The following CEP170 variants were observed in gnomAD, a reference collection of about 807,000 sequenced individuals.
CEP170 encodes the protein centrosomal protein of 170 kDa.
A neutral mutation model predicts 151.9 loss-of-function variants in CEP170; 21 were observed. The ratio of observed to expected loss-of-function variants is 0.14; its 90% CI spans 0.10 to 0.20. The LOEUF is 0.20. CEP170 is among the 10% of genes least tolerant of loss of function. The pLI, the probability that CEP170 is intolerant of heterozygous loss-of-function variation, is 1.00. For missense variants in CEP170, 964 were observed against 1,892.9 expected, an observed-to-expected ratio of 0.51 and a Z score of 9.11; for synonymous variants, 356 against 648.8, an observed-to-expected ratio of 0.55 and a Z score of 6.86.
intron 1 of CEP170, among the ~76,000 whole-genome samples, chr1:243,228,997 T>G (rs2063507403): frequency 6.6e-6 from 1 of 152,242 alleles, no homozygotes; most frequent in South Asian, 2.1e-4. Flanking sequence ...TGAGTGGGAA[T>G]GTGATATAAC....
chr1:243,128,966 T>C (rs996552768), intron 18 of CEP170: 1 of 153,800 alleles, frequency 6.5e-6, no homozygotes, highest in African/African-American at 2.4e-5. Context: ...AACCTCAATA[T>C]TATAATTATA....
chr1:243,198,698 C>T (rs948429947), intron 7 of CEP170, among the ~76,000 whole-genome samples: 12 of 151,850 alleles, frequency 7.9e-5, no homozygotes, highest in South Asian at 2.1e-4. Context: ...CTAATAAAAA[C>T]GCAAAATTAA....
chr1:243,246,987 A>C (rs1325183722), intron 1 of CEP170, among the ~76,000 whole-genome samples: 1 of 152,122 alleles, frequency 6.6e-6, no homozygotes, highest in Admixed American at 6.6e-5. Flanking sequence ...TTTTTCACCA[A>C]AATAAGTATT....
In CEP170 at chr1:243,207,132, T is replaced by C. The variant is rs1172575473; in HGVS notation, c.274+4754A>G. Among the ~76,000 whole-genome samples the C allele has an allele frequency of 2.0e-5, 3 of 152,226 alleles. No homozygotes were observed. The East Asian group carries it at 5.8e-4, about 29-fold the overall frequency. ...TACATCACCAAATAAAAGTAAAAAT[T>C]ATCGTATCAGATAAAAAAGTAAGAA... is the stretch of plus-strand genomic sequence containing the variant. On this transcript the variant is annotated intron_variant, in intron 4 of 19. Transcript: ENST00000366542.
At chr1:243,205,332 T>TG (rs1315074163) in intron 4 of CEP170, among the ~76,000 whole-genome samples, 2 of 152,118 alleles carry the variant, frequency 1.3e-5, no homozygotes, top group African/African-American at 4.8e-5. Context: ...CATGAGTCAC[T>TG]GGGTAGAGCA....
chr1:243,253,320 T>A (rs955211028), intron 1 of CEP170: 1 of 152,166 alleles, frequency 6.6e-6, no homozygotes, highest in African/African-American at 2.4e-5. Context: ...AGGGAGCACA[T>A]AGAGAAGCTT....
intron 3 of CEP170, among the ~76,000 whole-genome samples, chr1:243,218,787 CT>C (rs1488602898): frequency 8.5e-5 from 13 of 152,130 alleles, no homozygotes; most frequent in African/African-American, 3.1e-4. Flanking sequence ...TTATTTATAT[CT>C]TTACAACACA....
chr1:243,207,459 TTAA>T (rs2061499429), intron 4 of CEP170, among the ~76,000 whole-genome samples: 1 of 152,178 alleles, frequency 6.6e-6, no homozygotes, highest in Non-Finnish European at 1.5e-5. Context: ...TACCCCTTTC[TTAA>T]TAATTGAAAG....
At chr1:243,214,610 G>C (rs887112457) in intron 3 of CEP170, among the ~76,000 whole-genome samples, 2 of 132,934 alleles carry the variant, frequency 1.5e-5, no homozygotes, top group Non-Finnish European at 3.6e-5. Context: ...ACTGTGTTTT[G>C]ACCATGCAAG....
rs535986588 is a variant in CEP170 at position 243,138,761 on chromosome 1, G to C, written c.4230+1176C>G. Among the ~76,000 whole-genome samples the C allele has an allele frequency of 1.2e-3, 186 of 151,990 alleles. 2 individuals carry two copies. Among genetic ancestry groups the C allele is most frequent in the African/African-American group, 4.4e-3 (181 of 41,472 alleles). ...AAACAGTTTCCAAGTTTTTGATACT[G>C]TCAACAATGTTACTATAAATGTAAC... On this transcript the variant is annotated intron_variant, in intron 16 of 19. Coordinates refer to ENST00000366542, the MANE Select transcript of CEP170 (RefSeq NM_014812.3).
intron 2 of CEP170, among the ~76,000 whole-genome samples, chr1:243,224,942 GCTTA>G (rs2063110889): frequency 6.6e-6 from 1 of 152,044 alleles, no homozygotes; most frequent in African/African-American, 2.4e-5. Flanking sequence ...GAAACTTTCT[GCTTA>G]CTAATAAACT....
At chr1:243,248,976 T>C (rs2065679919) in intron 1 of CEP170, among the ~76,000 whole-genome samples, 1 of 152,208 alleles carries the variant, frequency 6.6e-6, no homozygotes, top group Non-Finnish European at 1.5e-5. Flanking sequence ...GATGCTTCCT[T>C]ACCTAATGCA....
In CEP170 at chr1:243,185,047, C is replaced by G. The variant is rs1243071639; in HGVS notation, c.1566+732G>C. Among the ~76,000 whole-genome samples, 2 of 152,164 alleles carry G rather than the reference C, an allele frequency of 1.3e-5. No homozygotes were observed. Among genetic ancestry groups the G allele is most frequent in the African/African-American group, 4.8e-5 (2 of 41,436 alleles). On this transcript the variant is annotated intron_variant, in intron 10 of 19. Transcript: ENST00000366542. This position sits in a 1 kb window ranked among gnomAD's most constrained non-coding sequence, Gnocchi z 4.9. ...AAAGTCACTGCGGTTTTTGCCATTA[C>G]TTTCAACGGCAACCTTGATAGCTGA...
chr1:243,208,468 C>T lies in CEP170; in HGVS notation c.274+3418G>A, dbSNP rs191053411. Among the ~76,000 whole-genome samples, 855 of 152,206 alleles carry T rather than the reference C, an allele frequency of 5.6e-3. 10 individuals carry two copies. Among genetic ancestry groups the T allele is most frequent in the African/African-American group, 0.02 (813 of 41,534 alleles). On this transcript the variant is annotated intron_variant, in intron 4 of 19. Coordinates refer to ENST00000366542, the MANE Select transcript of CEP170 (RefSeq NM_014812.3). The stretch of plus-strand genomic sequence containing the variant: ...TACGAGAACTGATATATTCTGACTC[C>T]TAATATACTCATGTTCTTTGCTGGC...
In CEP170 at chr1:243,169,672, T is replaced by A; in HGVS notation, c.1799A>T (p.Glu600Val). ...TGCAGAAAATTCCATTATCCTTTCT[T>A]CTTGATCATGCCTTGTATGATTGGC... is the stretch of plus-strand genomic sequence containing the variant. The part of the protein sequence containing the change: ...LAANHTRHDQ[E>V]ERIMEFSAPL... The change falls in exon 12 of 20, where the codon GAA (glutamate) becomes GTA (valine). Residue 600 changes from glutamate (E) to valine (V), a missense_variant. Physicochemically the swap from Glu to Val is moderately radical, Grantham distance 121. Transcript: ENST00000366542. 1 of 1,612,566 alleles carries A rather than the reference T, an allele frequency of 6.2e-7. No homozygotes were observed. Among genetic ancestry groups the A allele is most frequent in the Non-Finnish European group, 8.5e-7 (1 of 1,179,272 alleles).
At chr1:243,150,121 C>T (rs1288029207) in intron 14 of CEP170, among the ~76,000 whole-genome samples, 7 of 152,106 alleles carry the variant, frequency 4.6e-5, no homozygotes, top group African/African-American at 1.4e-4. Flanking sequence ...TTGGGGCCAA[C>T]AAATCAGGGA....
At chr1:243,237,495 A>T (rs2149102085) in intron 1 of CEP170, among the ~76,000 whole-genome samples, 1 of 152,344 alleles carries the variant, frequency 6.6e-6, no homozygotes, top group Admixed American at 6.5e-5. Flanking sequence ...AATACCTCAT[A>T]CTTATAGTAT....
intron 1 of CEP170, among the ~76,000 whole-genome samples, chr1:243,227,499 A>G (rs548527713): frequency 1.3e-5 from 2 of 152,356 alleles, no homozygotes; most frequent in African/African-American, 2.4e-5. Context: ...GCATACTTCT[A>G]TTTAGTCACA....
chr1:243,207,248 AT>A (rs1476481677), intron 4 of CEP170, among the ~76,000 whole-genome samples: 1 of 152,242 alleles, frequency 6.6e-6, no homozygotes, highest in Non-Finnish European at 1.5e-5. Flanking sequence ...CAACTATAAT[AT>A]TAAGACAAAC....
Sources: gnomAD v4.1 joint callset for allele counts (sites outside exome capture counted in the v4.1 genomes callset) on GRCh38, gnomAD v4.1.1 for gene constraint, Gnocchi (gnomAD v3.1) non-coding constraint, MANE v1.5 for transcripts, NCBI Gene and HGNC (gene_info 2026-07-23, HGNC 2026-07-21) for gene names.